Variants in KPNB1 observed in about 807,000 individuals in gnomAD.
KPNB1 encodes the protein importin subunit beta-1.
In KPNB1, 7 loss-of-function variants were observed where a neutral mutation model predicts 113.0. The ratio of observed to expected loss-of-function variants is 0.06; its 90% CI spans 0.04 to 0.12. The LOEUF (loss-of-function observed/expected upper bound fraction) is 0.12, where lower values mean the gene tolerates loss of function less well. Among genes scored for constraint, KPNB1 ranks in the 10% least tolerant of loss-of-function variants. The probability of loss-of-function intolerance (pLI) is 1.00; values close to 1 mark genes in which losing one functional copy is unlikely to be tolerated. For synonymous variants in KPNB1, 363 were observed against 378.6 expected (o/e 0.96, Z 0.48); for missense variants, 400 against 1,054.8 (o/e 0.38, Z 8.60).
Position 47,684,338 on chromosome 17 carries a change from A to C in KPNB1, c.*1934A>C, listed in dbSNP as rs2030880662. On this transcript the variant is annotated 3_prime_UTR_variant, in exon 22 of 22. Coordinates refer to ENST00000290158, the MANE Select transcript of KPNB1 (RefSeq NM_002265.6). Reference sequence around the variant, plus strand: ...GTTCAAAGTCAAGTGCCGATCTATGAACCAGTGTACAAAAAAAAAAAAATC... The same window carrying C: ...GTTCAAAGTCAAGTGCCGATCTATGCACCAGTGTACAAAAAAAAAAAAATC... 1 of 151,382 alleles carries C rather than the reference A, an allele frequency of 6.6e-6. No homozygotes were observed. The highest frequency in any genetic ancestry group is 1.5e-5 in the Non-Finnish European group (1 of 67,954). The allele number at this position is 151,382 out of a possible 1,614,324, so 9.4% of individuals were successfully genotyped here.
chr17:47,653,431 G>A (rs1481180802), intron 3 of KPNB1, among the ~76,000 whole-genome samples: 4 of 151,918 alleles, frequency 2.6e-5, no homozygotes, highest in African/African-American at 7.3e-5. Flanking sequence ...AAGTAGAGAC[G>A]GGGTTTCACC....
intron 8 of KPNB1, among the ~76,000 whole-genome samples, chr17:47,664,818 A>G (rs1386475558): frequency 1.3e-5 from 2 of 152,174 alleles, no homozygotes; most frequent in African/African-American, 4.8e-5. Flanking sequence ...GTCCATATGA[A>G]TTGAACTTAT....
At chr17:47,677,402 G>A (rs2030645609) in intron 17 of KPNB1, among the ~76,000 whole-genome samples, 3 of 150,742 alleles carry the variant, frequency 2.0e-5, no homozygotes, top group Non-Finnish European at 1.5e-5. Flanking sequence ...TACCCGGGAG[G>A]TGGACGTTGC....
chr17:47,671,023 AGGC>A (rs1419779789), intron 12 of KPNB1, among the ~76,000 whole-genome samples, 191 bp downstream of exon 12: 3 of 152,266 alleles, frequency 2.0e-5, no homozygotes, highest in Admixed American at 2.0e-4. Context: ...TGGGAGGCCA[AGGC>A]GGCTGGATCA....
At chr17:47,660,762 TATATA>T (rs1397540958) in intron 5 of KPNB1, among the ~76,000 whole-genome samples, 5 of 152,396 alleles carry the variant, frequency 3.3e-5, no homozygotes, top group African/African-American at 1.2e-4. Flanking sequence ...TGAATTCTCT[TATATA>T]AGGAAACTGA....
At chr17:47,650,554 GTCCCCCTCCCCCCTCCCCC>G in intron 2 of KPNB1, 110 bp downstream of exon 2, 1 of 661,304 alleles carries the variant, frequency 1.5e-6, no homozygotes, top group African/African-American at 2.8e-5. Context: ...GCCCCATCCC[GTCCCCCTCCCCCCTCCCCC>G]TCCCCCCCCA....
Position 47,683,749 on chromosome 17 carries a change from T to TTC in KPNB1, c.*1345_*1346insTC, listed in dbSNP as rs2030867152. Reference sequence around the variant, plus strand: ...CAAAAAAAAGTGTGTGTTGTGTGAATACACACACACACTAACTAGAAGTCT... The same window carrying TTC: ...CAAAAAAAAGTGTGTGTTGTGTGAATTCACACACACACACTAACTAGAAGTCT... On this transcript the variant is annotated 3_prime_UTR_variant, in exon 22 of 22. Coordinates refer to ENST00000290158, the MANE Select transcript of KPNB1 (RefSeq NM_002265.6). The TTC allele has an allele frequency of 3.3e-5, 5 of 152,102 alleles. No homozygotes were observed. Among genetic ancestry groups the TTC allele is most frequent in the African/African-American group, 4.8e-5 (2 of 41,282 alleles). 9.4% of individuals were successfully genotyped at this position (152,102 alleles called of 1,614,324 possible). A position where few individuals can be genotyped will look rare whatever the true frequency, so the allele number is the denominator to read the frequency against.
intron 5 of KPNB1, among the ~76,000 whole-genome samples, chr17:47,658,960 T>G (rs2030001745): frequency 6.6e-6 from 1 of 152,076 alleles, no homozygotes; most frequent in Non-Finnish European, 1.5e-5. Flanking sequence ...ATACTGGTAC[T>G]CCAGCTACTT....
At chr17:47,657,522 G>A (rs186208181) in intron 4 of KPNB1, among the ~76,000 whole-genome samples, 1 of 152,276 alleles carries the variant, frequency 6.6e-6, no homozygotes, top group Non-Finnish European at 1.5e-5. Flanking sequence ...TACCACTCTT[G>A]GTGTGTATTT....
intron 3 of KPNB1, among the ~76,000 whole-genome samples, chr17:47,654,073 G>A (rs1915653032): frequency 6.6e-6 from 1 of 152,032 alleles, no homozygotes; most frequent in Admixed American, 6.6e-5. Context: ...ATTGTAATTG[G>A]CTTATTTTTT....
rs764311743 is a variant in KPNB1 at position 47,668,162 on chromosome 17, A to G, written c.1000-24A>G. ...AAATGATTCTTTGGACAAAATCTTA[A>G]CTAGTGCCATATTCTTTCACCAGGA... is the stretch of plus-strand genomic sequence containing the variant. On this transcript the variant is annotated intron_variant, in intron 9 of 21. Coordinates refer to ENST00000290158, the MANE Select transcript of KPNB1 (RefSeq NM_002265.6). 2.5e-6 allele frequency: 4 copies of G among 1,593,864 alleles called. No homozygotes were observed. In the African/African-American group the frequency reaches 4.0e-5, roughly 16 times the overall value.
rs2030836521 is a variant in KPNB1, at chr17:47,683,106, A to C, written c.*702A>C. ...CAAGAGATGTAAAAAAAAAAAAAAA[A>C]AAAAAAAAAAAAACACACACACAGA... On this transcript the variant is annotated 3_prime_UTR_variant, in exon 22 of 22. Transcript: ENST00000290158. The C allele has an allele frequency of 1.4e-5, 2 of 147,268 alleles. No individual in the cohort carries two copies. The highest frequency in any genetic ancestry group is 3.0e-5 in the Non-Finnish European group (2 of 66,798). 9.1% of individuals were successfully genotyped at this position (147,268 alleles called of 1,614,324 possible).
rs1403462502 is a variant in KPNB1, at chr17:47,673,030, C to T, written c.1560C>T (p.His520=). The change falls in exon 13 of 22, where the codon CAC becomes CAT. Residue 520 remains histidine (H), a synonymous_variant. Transcript: ENST00000290158. The part of the protein sequence containing the change: ...LLETTDRPDG[H]QNNLRSSAYE... ...GTGTTCTTTACAGACCTGATGGACA[C>T]CAGAACAACCTGAGGAGTTCTGCAT... The T allele has an allele frequency of 6.2e-7, 1 of 1,613,656 alleles. No homozygotes were observed. Among genetic ancestry groups the T allele is most frequent in the Non-Finnish European group, 8.5e-7 (1 of 1,179,878 alleles).
intron 9 of KPNB1, among the ~76,000 whole-genome samples, chr17:47,665,952 A>G (rs2030253633): frequency 6.6e-6 from 1 of 152,246 alleles, no homozygotes; most frequent in African/African-American, 2.4e-5. Flanking sequence ...AATTCTCAAT[A>G]TAGCAGTTTC....
rs1263795218 is a variant in KPNB1 at position 47,678,194 on chromosome 17, G to A, written c.2247+5G>A. 5.6e-6 allele frequency: 9 copies of A among 1,613,972 alleles called. No homozygotes were observed. The highest frequency in any genetic ancestry group is 7.6e-6 in the Non-Finnish European group (9 of 1,179,928). On this transcript the variant is annotated splice_donor_5th_base_variant and intron_variant, in intron 18 of 21. Transcript: ENST00000290158. ...TCCCAAGCCCAGGTGGACAAGGTAA[G>A]CTTAAAGCTATCTTGGCTGTTCTTT...
chr17:47,678,570 G>C, intron 19 of KPNB1, 157 bp downstream of exon 19: 2 of 611,458 alleles, frequency 3.3e-6, no homozygotes, highest in Non-Finnish European at 5.9e-6. Flanking sequence ...AGAGTGGCTT[G>C]GGGAAAACTG....
chr17:47,652,590 T>C, intron 2 of KPNB1, 104 bp from the exon 3 acceptor site: 1 of 813,430 alleles, frequency 1.2e-6, no homozygotes. Flanking sequence ...AGACATTAGT[T>C]CCCCCCCTCG....
rs148792396 is a variant in KPNB1 at position 47,665,505 on chromosome 17, G to C, written c.999+347G>C. Among the ~76,000 whole-genome samples the C allele has an allele frequency of 3.8e-3, 581 of 152,278 alleles. 4 individuals are homozygous for C. The highest frequency in any genetic ancestry group is 0.013 in the African/African-American group (545 of 41,558). On this transcript the variant is annotated intron_variant, in intron 9 of 21. Transcript: ENST00000290158. ...GATGTGCTGGTTTTAGGCCACTTGCGTATCTGTTGTAATATCCAGGATACT... is the reference window on the plus strand; with the variant it reads ...GATGTGCTGGTTTTAGGCCACTTGCCTATCTGTTGTAATATCCAGGATACT...
intron 19 of KPNB1, chr17:47,678,667 G>A (rs371234068): frequency 4.2e-5 from 17 of 404,376 alleles, no homozygotes; most frequent in Non-Finnish European, 6.9e-5. Context: ...GAGTGCAGTC[G>A]TGCAATCTCG....
Sources: gnomAD v4.1 joint callset for allele counts (sites outside exome capture counted in the v4.1 genomes callset) on GRCh38, gnomAD v4.1.1 for gene constraint, MANE v1.5 for transcripts, NCBI Gene and HGNC (gene_info 2026-07-23, HGNC 2026-07-21) for gene names.